UHRF1: variants seen among roughly 807,000 people sequenced by gnomAD.
The protein encoded by UHRF1 is ubiquitin like with PHD and ring finger domains 1, also known as E3 ubiquitin-protein ligase UHRF1.
Under a neutral mutation model 96.5 loss-of-function variants are expected in UHRF1, and 9 were observed. The observed-to-expected ratio is 0.09, with a 90% confidence interval of 0.06 to 0.16. The LOEUF is 0.16. UHRF1 is among the 10% of genes least tolerant of loss of function. The pLI, the probability that UHRF1 is intolerant of heterozygous loss-of-function variation, is 1.00. For synonymous variants in UHRF1, 455 were observed against 469.9 expected (o/e 0.97, Z 0.41); for missense variants, 626 against 1,131.1 (o/e 0.55, Z 6.40).
exon 1 of UHRF1, chr19:4,903,486 T>C (rs962319851): frequency 6.6e-6 from 1 of 152,136 alleles, no homozygotes; most frequent in African/African-American, 2.4e-5. Flanking sequence ...TTGCTAATTT[T>C]TTTTTGGTAT....
chr19:4,945,827 G>C (rs2033547254), intron 9 of UHRF1, 34 bp from the exon 10 acceptor site: 2 of 1,564,124 alleles, frequency 1.3e-6, no homozygotes, highest in South Asian at 2.3e-5. Context: ...AGTCATTGCA[G>C]AGGACACCAT....
At position 4,954,591 on chromosome 19, in the gene UHRF1, C is replaced by A. The variant is rs975857225; in HGVS notation, c.1958-59C>A. 3 of 1,592,718 alleles carry A rather than the reference C, an allele frequency of 1.9e-6. No homozygotes were observed. The highest frequency in any genetic ancestry group is 2.6e-6 in the Non-Finnish European group (3 of 1,168,710). ...GTCGTGTGGACGTGGGAGCCGGTGGCTGTCTCTCCGGCAGCTCGGGCCACG... is the reference window on the plus strand; with the variant it reads ...GTCGTGTGGACGTGGGAGCCGGTGGATGTCTCTCCGGCAGCTCGGGCCACG... On this transcript the variant is annotated intron_variant, in intron 14 of 16. Transcript: ENST00000650932. This position sits in a 1 kb window ranked among gnomAD's most constrained non-coding sequence, Gnocchi z 5.9.
intron 10 of UHRF1, among the ~76,000 whole-genome samples, chr19:4,946,512 C>T (rs1439103277): frequency 6.6e-6 from 1 of 152,092 alleles, no homozygotes; most frequent in Non-Finnish European, 1.5e-5. Flanking sequence ...CCCCCGTTTT[C>T]CATTCTTTTG....
intron 5 of UHRF1, among the ~76,000 whole-genome samples, chr19:4,937,850 A>G (rs1224510351): frequency 1.3e-5 from 2 of 152,116 alleles, no homozygotes; most frequent in African/African-American, 4.8e-5. Flanking sequence ...GTTTGATAGA[A>G]TTCTTTAACG....
At chr19:4,904,323 C>T (rs993447559) in intron 1 of UHRF1, among the ~76,000 whole-genome samples, 32 of 152,248 alleles carry the variant, frequency 2.1e-4, no homozygotes, top group East Asian at 9.7e-4. Flanking sequence ...GGACTACAGG[C>T]GTCCGCCACA....
At chr19:4,959,654 G>A (rs1296303438) in intron 16 of UHRF1, among the ~76,000 whole-genome samples, 1 of 152,202 alleles carries the variant, frequency 6.6e-6, no homozygotes, top group East Asian at 1.9e-4. Flanking sequence ...GAATCCACCA[G>A]ACTTGGTTCC....
chr19:4,907,807 G>A (rs1599229422), upstream of UHRF1, among the ~76,000 whole-genome samples: 1 of 144,960 alleles, frequency 6.9e-6, no homozygotes, highest in Admixed American at 7.1e-5. Flanking sequence ...CTGCCTCCTG[G>A]GTTCAAGCGA....
intron 2 of UHRF1, among the ~76,000 whole-genome samples, chr19:4,916,253 C>T (rs908656175): frequency 2.6e-5 from 4 of 151,724 alleles, no homozygotes; most frequent in African/African-American, 9.7e-5. Flanking sequence ...CTGCAGTGAA[C>T]CAAGATTGTA....
rs1333962558 is a variant in UHRF1, at chr19:4,950,690, G to A, written c.1597G>A (p.Val533Ile). ...EAKDWRSGKP[V>I]RVVRNVKGGK... is the part of the protein sequence containing the mutation. ...CAAGGACTGGCGGTCGGGGAAGCCG[G>A]TCAGGGTGGTGCGCAATGTCAAGGG... Residue 533 changes from valine to isoleucine, a missense_variant, in exon 12 of 17, where the codon GTC (valine) becomes ATC (isoleucine). Around this residue, in one of 11 missense-constraint regions of UHRF1, gnomAD observed 61 missense variants for 199.2 expected, o/e 0.31. Transcript: ENST00000650932. The A allele has an allele frequency of 1.2e-6, 2 of 1,609,368 alleles. No individual in the cohort carries two copies. The highest frequency in any genetic ancestry group is 1.7e-6 in the Non-Finnish European group (2 of 1,177,764).
chr19:4,937,792 G>GT (rs2033263054), intron 5 of UHRF1, among the ~76,000 whole-genome samples: 1 of 152,106 alleles, frequency 6.6e-6, no homozygotes, highest in Non-Finnish European at 1.5e-5. Flanking sequence ...TCCTTTTTCT[G>GT]TTTTCTGGAA....
intron 11 of UHRF1, 60 bp from the exon 12 acceptor site, chr19:4,950,551 T>C: frequency 6.4e-7 from 1 of 1,557,980 alleles, no homozygotes; most frequent in East Asian, 2.3e-5. Context: ...GCTCCTGTGT[T>C]TCCTTTTTTG....
At chr19:4,927,087 C>CA (rs888841125) in intron 2 of UHRF1, among the ~76,000 whole-genome samples, 134 of 148,404 alleles carry the variant, frequency 9.0e-4, no homozygotes, top group South Asian at 2.8e-3. Flanking sequence ...CAAAACAAAA[C>CA]AAAAAAAAAC....
chr19:4,952,352 C>T (rs1004987552), intron 13 of UHRF1, among the ~76,000 whole-genome samples: 8 of 148,254 alleles, frequency 5.4e-5, no homozygotes. Flanking sequence ...CCTCTGCCTC[C>T]CAAAGTGCTG....
At chr19:4,925,920 G>A (rs10424661) in intron 2 of UHRF1, among the ~76,000 whole-genome samples, 10,001 of 151,162 alleles carry the variant, frequency 0.066, 1,046 homozygotes, top group African/African-American at 0.22. Context: ...TTTTTGAGAC[G>A]GAGTTTTGCT....
intron 9 of UHRF1, among the ~76,000 whole-genome samples, chr19:4,944,820 G>A (rs1201715001): frequency 6.6e-6 from 1 of 152,170 alleles, no homozygotes; most frequent in Non-Finnish European, 1.5e-5. Flanking sequence ...GTCAGCTGTG[G>A]GCTGTGTGTC....
intron 2 of UHRF1, among the ~76,000 whole-genome samples, 179 bp from the exon 3 acceptor site, chr19:4,929,043 T>A (rs1282926793): frequency 6.6e-6 from 1 of 151,990 alleles, no homozygotes; most frequent in Non-Finnish European, 1.5e-5. Context: ...GGGACTGGGG[T>A]GCCGCTTGTG....
chr19:4,922,684 C>T (rs1294792252), intron 2 of UHRF1, among the ~76,000 whole-genome samples: 1 of 152,260 alleles, frequency 6.6e-6, no homozygotes, highest in Non-Finnish European at 1.5e-5. Context: ...CAAGCTTCCT[C>T]CTGCCTGCTT....
chr19:4,913,678 C>T (rs2032373796), intron 2 of UHRF1, among the ~76,000 whole-genome samples: 1 of 152,166 alleles, frequency 6.6e-6, no homozygotes, highest in Non-Finnish European at 1.5e-5. Flanking sequence ...GTTTCTGAGA[C>T]TGGGCTCTCA....
At chr19:4,923,449 G>A (rs1236872808) in intron 2 of UHRF1, among the ~76,000 whole-genome samples, 1 of 152,192 alleles carries the variant, frequency 6.6e-6, no homozygotes, top group Non-Finnish European at 1.5e-5. Flanking sequence ...CCTCTGCAGT[G>A]GTCTGGTTTC....
Sources: allele counts gnomAD v4.1 joint callset (sites outside exome capture counted in the v4.1 genomes callset), GRCh38; gene constraint gnomAD v4.1.1; regional missense constraint gnomAD v4.1.1; non-coding constraint Gnocchi (gnomAD v3.1); transcripts MANE v1.5; gene names NCBI Gene and HGNC (gene_info 2026-07-23, HGNC 2026-07-21).